Variants in COL24A1 observed in about 807,000 individuals in gnomAD.
The protein encoded by COL24A1 is collagen alpha-1(XXIV) chain.
A neutral mutation model predicts 253.9 loss-of-function variants in COL24A1; 224 were observed. That is an observed-to-expected ratio of 0.88 (90% CI 0.79 to 0.99). The LOEUF (loss-of-function observed/expected upper bound fraction) is 0.99. Ranked by LOEUF, COL24A1 falls within the 50% of genes least tolerant of loss-of-function variation. COL24A1 has a pLI of 0.00. For synonymous variants in COL24A1, 685 were observed against 673.7 expected, an observed-to-expected ratio of 1.02 and a Z score of -0.26; for missense variants, 2,131 against 2,068.5, an observed-to-expected ratio of 1.03 and a Z score of -0.59.
intron 35 of COL24A1, among the ~76,000 whole-genome samples, chr1:85,872,764 G>A (rs1365865393): frequency 6.6e-6 from 1 of 152,134 alleles, no homozygotes; most frequent in Non-Finnish European, 1.5e-5. Flanking sequence ...TTACCATTCA[G>A]GACATAGGCA....
chr1:86,135,186 G>A (rs1471042267), intron 2 of COL24A1, among the ~76,000 whole-genome samples: 3 of 151,584 alleles, frequency 2.0e-5, no homozygotes, highest in African/African-American at 4.8e-5. Context: ...GCCTTTTTTT[G>A]TTTTCCATTT....
intron 42 of COL24A1, among the ~76,000 whole-genome samples, 169 bp downstream of exon 42, chr1:85,841,053 G>T (rs965644657): frequency 9.2e-5 from 14 of 151,942 alleles, no homozygotes; most frequent in African/African-American, 2.9e-4. Context: ...TCATATTAAA[G>T]ACTTTAATAT....
At chr1:85,736,543 G>A (rs1250916910) in intron 58 of COL24A1, 3 of 453,654 alleles carry the variant, frequency 6.6e-6, no homozygotes, top group South Asian at 4.7e-5. Flanking sequence ...TATTTCAGGG[G>A]TAATAATGGT....
chr1:85,954,795 G>A (rs148650402), intron 24 of COL24A1, among the ~76,000 whole-genome samples: 1 of 152,210 alleles, frequency 6.6e-6, no homozygotes, highest in Admixed American at 6.5e-5. Flanking sequence ...CTAAAAACAG[G>A]AGGGGTCGAT....
chr1:85,833,132 A>T (rs1410201074), intron 43 of COL24A1, among the ~76,000 whole-genome samples: 3 of 152,182 alleles, frequency 2.0e-5, no homozygotes, highest in African/African-American at 4.8e-5. Flanking sequence ...AGTTTTTAGC[A>T]TGAAGGGTTG....
At chr1:85,735,045 C>T (rs1663904429) in intron 58 of COL24A1, 81 bp from the exon 59 acceptor site, 5 of 1,336,510 alleles carry the variant, frequency 3.7e-6, no homozygotes, top group Non-Finnish European at 4.2e-6. Flanking sequence ...AGGAAAAGTC[C>T]TTCAAAGGCA....
chr1:86,104,469 A>G (rs1481889941), intron 5 of COL24A1, among the ~76,000 whole-genome samples: 1 of 152,234 alleles, frequency 6.6e-6, no homozygotes. Flanking sequence ...TTAAGTTCTC[A>G]GAGTTCTTGT....
rs191653696 is a variant in COL24A1, at chr1:86,145,235, C to G, written c.121+884G>C. Among the ~76,000 whole-genome samples the G allele has an allele frequency of 5.4e-3, 821 of 152,138 alleles. 6 individuals carry two copies. Among genetic ancestry groups the G allele is most frequent in the Middle Eastern group, 0.034 (10 of 294 alleles). On this transcript the variant is annotated intron_variant, in intron 2 of 59. Transcript: ENST00000370571. ...TCTTACTGTTATTTGATCAATTGAT[C>G]AAACTGACAAGGGGTTCATCAAACT...
chr1:85,934,199 ATG>A, intron 24 of COL24A1, among the ~76,000 whole-genome samples: 1 of 152,320 alleles, frequency 6.6e-6, no homozygotes, highest in South Asian at 2.1e-4. Context: ...CAGTGCCTTT[ATG>A]ATCTAGCACA....
chr1:85,904,030 C>T (rs974558705), intron 28 of COL24A1, among the ~76,000 whole-genome samples: 1 of 152,132 alleles, frequency 6.6e-6, no homozygotes, highest in South Asian at 2.1e-4. Flanking sequence ...TTGAGGACTG[C>T]TTCCCCCTAT....
At position 85,829,922 on chromosome 1, in the gene COL24A1, T is replaced by C. The variant is rs542117443; in HGVS notation, c.3682-6184A>G. 1.2e-4 allele frequency among the ~76,000 whole-genome samples: 18 copies of C among 152,240 alleles called. 1 individual carries two copies. In the South Asian group the frequency reaches 3.5e-3, roughly 30 times the overall value. ...TCGTCTGAAGCCTTCTTCTCTGAGT[T>C]CATCAAAGTCATTCTCCTTCCAGCT... On this transcript the variant is annotated intron_variant, in intron 43 of 59. Transcript: ENST00000370571.
chr1:85,974,831 T>C (rs1226019048), intron 20 of COL24A1, among the ~76,000 whole-genome samples: 2 of 152,178 alleles, frequency 1.3e-5, no homozygotes, highest in African/African-American at 2.4e-5. Flanking sequence ...TTACTAGAGA[T>C]GTAAACTATT....
chr1:86,033,969 A>G, intron 12 of COL24A1, 46 bp from the exon 13 acceptor site: 1 of 1,423,878 alleles, frequency 7.0e-7, no homozygotes. Flanking sequence ...TAAATAATTC[A>G]TTTTTGCTGT....
At chr1:85,993,427 AGT>A (rs1694479773) in intron 19 of COL24A1, among the ~76,000 whole-genome samples, 1 of 138,786 alleles carries the variant, frequency 7.2e-6, no homozygotes. Flanking sequence ...TCTTATGCTA[AGT>A]GAAAGAAGCC....
intron 18 of COL24A1, among the ~76,000 whole-genome samples, chr1:86,018,136 T>C (rs565912294): frequency 4.6e-5 from 7 of 152,344 alleles, no homozygotes; most frequent in African/African-American, 1.7e-4. Context: ...ATTTCTGTCA[T>C]ATTAAGTTTC....
intron 24 of COL24A1, among the ~76,000 whole-genome samples, chr1:85,945,310 C>A (rs571191007): frequency 3.3e-5 from 5 of 151,546 alleles, no homozygotes; most frequent in Admixed American, 6.6e-5. Context: ...TGAGCCACTG[C>A]GCCCGGCCGA....
chr1:85,833,414 A>AT lies in COL24A1; in HGVS notation c.3681+5170_3681+5171insA, dbSNP rs774258485. Among the ~76,000 whole-genome samples the AT allele has an allele frequency of 7.3e-4, 111 of 152,336 alleles. 1 individual carries two copies. Among genetic ancestry groups the AT allele is most frequent in the Non-Finnish European group, 1.3e-3 (91 of 68,024 alleles). ...AGAAATGCAAATCAAAACCACAATG[A>AT]GATACCATCTCACACCAGTTAGAAT... is the stretch of plus-strand genomic sequence containing the variant. On this transcript the variant is annotated intron_variant, in intron 43 of 59. Transcript: ENST00000370571.
intron 28 of COL24A1, among the ~76,000 whole-genome samples, chr1:85,906,274 T>TTTTTTTTTTTTTTTG (rs1684817226): frequency 6.8e-6 from 1 of 147,218 alleles, no homozygotes; most frequent in African/African-American, 2.5e-5. Context: ...CTTTTTTTTT[T>TTTTTTTTTTTTTTTG]TTTACCATGG....
intron 45 of COL24A1, among the ~76,000 whole-genome samples, chr1:85,822,764 G>T (rs902873085): frequency 1.3e-5 from 2 of 151,984 alleles, no homozygotes; most frequent in African/African-American, 4.8e-5. Flanking sequence ...CTGCCAAGTC[G>T]GTTTAGCAAG....
Sources: gnomAD v4.1 joint callset for allele counts (sites outside exome capture counted in the v4.1 genomes callset) on GRCh38, gnomAD v4.1.1 for gene constraint, MANE v1.5 for transcripts, NCBI Gene and HGNC (gene_info 2026-07-23, HGNC 2026-07-21) for gene names.